CNTN3: variants seen among roughly 807,000 people sequenced by gnomAD.
CNTN3 encodes the protein contactin-3.
Under a neutral mutation model 119.1 loss-of-function variants are expected in CNTN3, and 60 were observed. That is an observed-to-expected ratio of 0.50 (90% confidence interval 0.41 to 0.62). The LOEUF is 0.62. CNTN3 is among the 20% of genes least tolerant of loss of function. The pLI is 0.00. For synonymous variants in CNTN3, 450 were observed against 438.7 expected (o/e 1.03, Z -0.32); for missense variants, 1,101 against 1,242.4 (o/e 0.89, Z 1.71).
At chr3:74,352,596 G>T in intron 11 of CNTN3, among the ~76,000 whole-genome samples, 1 of 152,104 alleles carries the variant, frequency 6.6e-6, no homozygotes, top group East Asian at 1.9e-4. Flanking sequence ...CTTTTTGACG[G>T]CTCCTTGATG....
chr3:74,455,079 C>A (rs1444264775), intron 4 of CNTN3, among the ~76,000 whole-genome samples: 1 of 152,094 alleles, frequency 6.6e-6, no homozygotes, highest in Non-Finnish European at 1.5e-5. Flanking sequence ...GGAAGTTCTC[C>A]TGGATAATAT....
At chr3:74,592,851 A>G (rs1575853440) in intron 1 of CNTN3, among the ~76,000 whole-genome samples, 1 of 152,094 alleles carries the variant, frequency 6.6e-6, no homozygotes, top group East Asian at 1.9e-4. Flanking sequence ...AAACTCCCCA[A>G]AAAGAGATTC....
At chr3:74,423,236 T>C (rs1027274538) in intron 5 of CNTN3, among the ~76,000 whole-genome samples, 2 of 152,160 alleles carry the variant, frequency 1.3e-5, no homozygotes, top group Non-Finnish European at 2.9e-5. Flanking sequence ...TCAAAACTCA[T>C]GAAAGGAAAA....
intron 2 of CNTN3, among the ~76,000 whole-genome samples, chr3:74,506,146 T>G (rs1474032109): frequency 6.6e-6 from 1 of 152,190 alleles, no homozygotes; most frequent in African/African-American, 2.4e-5. Context: ...TAAAAATATA[T>G]GTACAAAATG....
chr3:74,415,300 T>G (rs941327327), intron 5 of CNTN3, among the ~76,000 whole-genome samples: 1 of 152,000 alleles, frequency 6.6e-6, no homozygotes, highest in Non-Finnish European at 1.5e-5. Flanking sequence ...TTCTGAAGCT[T>G]GGGGGAAATT....
At chr3:74,459,130 C>G (rs926501549) in intron 4 of CNTN3, among the ~76,000 whole-genome samples, 1 of 152,006 alleles carries the variant, frequency 6.6e-6, no homozygotes, top group Non-Finnish European at 1.5e-5. Context: ...TCCCTGAATC[C>G]TCTTATCTCT....
intron 10 of CNTN3, among the ~76,000 whole-genome samples, chr3:74,363,899 A>G (rs1019400550): frequency 6.6e-6 from 1 of 152,034 alleles, no homozygotes; most frequent in Non-Finnish European, 1.5e-5. Context: ...ATTTTCAATC[A>G]TTTGTAATGT....
At chr3:74,337,995 G>A (rs1703436650) in intron 11 of CNTN3, among the ~76,000 whole-genome samples, 2 of 151,822 alleles carry the variant, frequency 1.3e-5, no homozygotes, top group African/African-American at 4.8e-5. Flanking sequence ...GCTCTAATTT[G>A]TCTACTCATA....
chr3:74,499,823 T>C (rs376517415), intron 2 of CNTN3, 38 bp from the exon 3 acceptor site: 12 of 1,550,234 alleles, frequency 7.7e-6, no homozygotes, highest in Non-Finnish European at 8.7e-6. Flanking sequence ...TAATAATCAG[T>C]AAAAGGCATT....
At chr3:74,485,142 T>C (rs987927164) in intron 4 of CNTN3, among the ~76,000 whole-genome samples, 1 of 151,836 alleles carries the variant, frequency 6.6e-6, no homozygotes, top group Non-Finnish European at 1.5e-5. Context: ...CAAACATATA[T>C]ATATATTCCT....
At chr3:74,544,014 A>G (rs531539071) in intron 1 of CNTN3, among the ~76,000 whole-genome samples, 10 of 152,352 alleles carry the variant, frequency 6.6e-5, no homozygotes, top group African/African-American at 2.4e-4. Context: ...GTTCAAGTTA[A>G]ACTTCCAATC....
intron 20 of CNTN3, among the ~76,000 whole-genome samples, chr3:74,269,544 T>C (rs985753183): frequency 6.6e-6 from 1 of 152,154 alleles, no homozygotes; most frequent in African/African-American, 2.4e-5. Flanking sequence ...ATAAAGCCCA[T>C]TTCTGTACAT....
At chr3:74,400,883 G>T (rs1274360187) in intron 5 of CNTN3, among the ~76,000 whole-genome samples, 1 of 152,130 alleles carries the variant, frequency 6.6e-6, no homozygotes, top group Non-Finnish European at 1.5e-5. Context: ...CACACCAAAG[G>T]AAACTTTAAT....
chr3:74,499,606 C>T (rs909560367), intron 3 of CNTN3, 53 bp downstream of exon 3: 13 of 1,538,590 alleles, frequency 8.4e-6, no homozygotes, highest in African/African-American at 1.4e-5. Context: ...TCACAATCAC[C>T]ACATAAGTGT....
chr3:74,424,565 G>A (rs1210619584), intron 5 of CNTN3, among the ~76,000 whole-genome samples: 1 of 151,900 alleles, frequency 6.6e-6, no homozygotes, highest in Non-Finnish European at 1.5e-5. Context: ...AATGATAATG[G>A]TGTAATGACA....
At chr3:74,427,223 A>G (rs1281631446) in intron 4 of CNTN3, among the ~76,000 whole-genome samples, 3 of 152,164 alleles carry the variant, frequency 2.0e-5, no homozygotes, top group Non-Finnish European at 4.4e-5. Flanking sequence ...CTTAATTGTA[A>G]TGGCACATTG....
intron 5 of CNTN3, among the ~76,000 whole-genome samples, chr3:74,419,592 T>C (rs1012169383): frequency 2.0e-4 from 31 of 152,186 alleles, no homozygotes; most frequent in African/African-American, 7.5e-4. Context: ...TGTTATAATA[T>C]GTGAATGGCA....
chr3:74,385,516 G>A (rs1704725497), intron 5 of CNTN3, among the ~76,000 whole-genome samples: 1 of 152,210 alleles, frequency 6.6e-6, no homozygotes, highest in Admixed American at 6.5e-5. Context: ...TTGGAAAGAG[G>A]ACAGACCTCT....
chr3:74,281,792 C>G (rs1178519422), intron 20 of CNTN3, among the ~76,000 whole-genome samples: 1 of 152,074 alleles, frequency 6.6e-6, no homozygotes. Context: ...TGGGGACTAT[C>G]ACAGAAGAGA....
Sources: allele counts gnomAD v4.1 joint callset (sites outside exome capture counted in the v4.1 genomes callset), GRCh38; gene constraint gnomAD v4.1.1; transcripts MANE v1.5; gene names NCBI Gene and HGNC (gene_info 2026-07-23, HGNC 2026-07-21).